RIMS2: variants seen among roughly 807,000 people sequenced by gnomAD.
The protein encoded by RIMS2 is regulating synaptic membrane exocytosis 2, also known as regulating synaptic membrane exocytosis protein 2.
Under a neutral mutation model 174.4 loss-of-function variants are expected in RIMS2, and 59 were observed. The ratio of observed to expected loss-of-function variants is 0.34; its 90% CI spans 0.27 to 0.42. RIMS2 has a LOEUF of 0.42. RIMS2 is among the 10% of genes least tolerant of loss of function. The pLI is 1.00. For synonymous variants in RIMS2, 606 were observed against 572.5 expected, an observed-to-expected ratio of 1.06 and a Z score of -0.84; for missense variants, 1,620 against 1,666.3, an observed-to-expected ratio of 0.97 and a Z score of 0.48.
intron 19 of RIMS2, among the ~76,000 whole-genome samples, chr8:104,201,597 T>G (rs2099055081): frequency 6.6e-6 from 1 of 152,196 alleles, no homozygotes; most frequent in South Asian, 2.1e-4. Context: ...ACACAGTTAA[T>G]TTTTAGTGTA....
At chr8:104,148,580 C>G (rs2098662825) in intron 19 of RIMS2, 27 bp from the exon 25 acceptor site, 1 of 1,581,748 alleles carries the variant, frequency 6.3e-7, no homozygotes, top group Non-Finnish European at 8.5e-7. Context: ...CTCTTGTCCT[C>G]ACTTTTAATG....
intron 13 of RIMS2, among the ~76,000 whole-genome samples, chr8:103,941,206 G>C (rs540535839): frequency 6.6e-6 from 1 of 152,256 alleles, no homozygotes; most frequent in East Asian, 1.9e-4. Flanking sequence ...ACAACTCCAG[G>C]CATGGTGGCT....
intron 19 of RIMS2, among the ~76,000 whole-genome samples, chr8:104,177,842 A>G (rs2098913994): frequency 6.6e-6 from 1 of 152,136 alleles, no homozygotes; most frequent in South Asian, 2.1e-4. Context: ...AACATTTGCT[A>G]ATTATATAAC....
intron 19 of RIMS2, among the ~76,000 whole-genome samples, chr8:104,076,783 A>G (rs1345278354): frequency 2.6e-5 from 4 of 151,474 alleles, no homozygotes; most frequent in Non-Finnish European, 5.9e-5. Context: ...AAGGTGTGTT[A>G]ATAATAGTAC....
At chr8:103,881,980 A>G (rs1364693705) in intron 3 of RIMS2, among the ~76,000 whole-genome samples, 24 of 151,504 alleles carry the variant, frequency 1.6e-4, no homozygotes, top group Non-Finnish European at 3.4e-4. Flanking sequence ...TACATTTTAT[A>G]CTAAAGAAAG....
intron 3 of RIMS2, among the ~76,000 whole-genome samples, chr8:103,792,856 C>G (rs1178710904): frequency 6.6e-6 from 1 of 152,128 alleles, no homozygotes; most frequent in Non-Finnish European, 1.5e-5. Flanking sequence ...TTCCTGGACA[C>G]ATACACCTTC....
intron 1 of RIMS2, among the ~76,000 whole-genome samples, chr8:103,554,978 G>A (rs139099334): frequency 1.3e-5 from 2 of 152,228 alleles, no homozygotes; most frequent in Non-Finnish European, 2.9e-5. Flanking sequence ...TGGGCTAAAC[G>A]TTGAGTACAC....
chr8:104,044,411 T>C (rs914085433), intron 19 of RIMS2, among the ~76,000 whole-genome samples: 1 of 151,176 alleles, frequency 6.6e-6, no homozygotes, highest in African/African-American at 2.4e-5. Context: ...AGGTACAACT[T>C]AGAGGTTGAG....
chr8:103,812,526 C>T (rs1202212516), intron 3 of RIMS2, among the ~76,000 whole-genome samples: 1 of 152,034 alleles, frequency 6.6e-6, no homozygotes, highest in Admixed American at 6.6e-5. Context: ...GGATTACAGG[C>T]GCGTACCACT....
chr8:103,885,688 G>T, exon 4 of RIMS2: 2 of 1,613,042 alleles, frequency 1.2e-6, no homozygotes, highest in Non-Finnish European at 8.5e-7. Flanking sequence ...CCCGAGCACG[G>T]CATGAGAGAA....
At chr8:103,605,636 CTT>C (rs1213229644) in intron 1 of RIMS2, among the ~76,000 whole-genome samples, 1 of 151,850 alleles carries the variant, frequency 6.6e-6, no homozygotes, top group Non-Finnish European at 1.5e-5. Flanking sequence ...GTCCTGGACT[CTT>C]TTTGGTTGGT....
At chr8:103,612,483 C>T (rs1582768) in intron 1 of RIMS2, among the ~76,000 whole-genome samples, 17,690 of 152,188 alleles carry the variant, frequency 0.12, 1,370 homozygotes, top group Non-Finnish European at 0.17. Context: ...CCAATACCAC[C>T]GTGGTTCTTG....
intron 2 of RIMS2, among the ~76,000 whole-genome samples, chr8:103,757,010 TGAGA>T (rs375031125): frequency 0.021 from 2,361 of 114,242 alleles, 62 homozygotes; most frequent in African/African-American, 0.079. Flanking sequence ...TGTGTGTGTG[TGAGA>T]GAGAGAGAGA....
intron 1 of RIMS2, among the ~76,000 whole-genome samples, chr8:103,531,185 T>G (rs1292366307): frequency 6.6e-6 from 1 of 152,028 alleles, no homozygotes; most frequent in Non-Finnish European, 1.5e-5. Flanking sequence ...ATCTTTAATG[T>G]GCACACTAAA....
chr8:104,005,220 T>C (rs1450275532), intron 17 of RIMS2, among the ~76,000 whole-genome samples: 1 of 152,208 alleles, frequency 6.6e-6, no homozygotes, highest in Non-Finnish European at 1.5e-5. Context: ...GGAAGTTGGA[T>C]AGATAATAGC....
intron 3 of RIMS2, among the ~76,000 whole-genome samples, chr8:103,831,743 T>C (rs1008275348): frequency 6.6e-6 from 1 of 152,242 alleles, no homozygotes; most frequent in Non-Finnish European, 1.5e-5. Context: ...AGCTTCATTA[T>C]ACCATTAAGG....
intron 19 of RIMS2, 21 bp downstream of exon 24, chr8:104,093,664 A>C (rs2097701846): frequency 1.3e-6 from 2 of 1,562,482 alleles, no homozygotes; most frequent in East Asian, 4.5e-5. Flanking sequence ...TTCAACAACA[A>C]ACTTCTCTAA....
chr8:103,614,661 G>C (rs922541316), intron 1 of RIMS2, among the ~76,000 whole-genome samples: 1 of 152,202 alleles, frequency 6.6e-6, no homozygotes, highest in Non-Finnish European at 1.5e-5. Flanking sequence ...GGTGAGTACA[G>C]CAACCCTCCT....
chr8:104,102,342 G>T (rs1007692465), intron 19 of RIMS2, among the ~76,000 whole-genome samples: 3 of 152,106 alleles, frequency 2.0e-5, no homozygotes, highest in African/African-American at 7.2e-5. Flanking sequence ...CATCACTCTT[G>T]ATTAGTTCTT....
Sources: gnomAD v4.1 joint callset for allele counts (sites outside exome capture counted in the v4.1 genomes callset) on GRCh38, gnomAD v4.1.1 for gene constraint, MANE v1.5 for transcripts, NCBI Gene and HGNC (gene_info 2026-07-23, HGNC 2026-07-21) for gene names.